The following HEATR5B variants were observed in gnomAD, a reference collection of about 807,000 sequenced individuals.
The protein encoded by HEATR5B is HEAT repeat containing 5B, also known as HEAT repeat-containing protein 5B.
A neutral mutation model predicts 224.1 loss-of-function variants in HEATR5B; 156 were observed. The observed-to-expected ratio is 0.70, with a 90% CI of 0.61 to 0.80. The LOEUF (loss-of-function observed/expected upper bound fraction) is 0.80, where lower values mean the gene tolerates loss of function less well. HEATR5B is among the 30% of genes least tolerant of loss of function. HEATR5B has a pLI of 0.00. For synonymous variants in HEATR5B, 1,027 were observed against 893.0 expected, an observed-to-expected ratio of 1.15 and a Z score of -2.68; for missense variants, 2,323 against 2,535.5, an observed-to-expected ratio of 0.92 and a Z score of 1.80.
Position 37,041,351 on chromosome 2 carries a change from C to T in HEATR5B, c.2697-59G>A, listed in dbSNP as rs570709166. 2.5e-5 allele frequency: 37 copies of T among 1,479,122 alleles called. No homozygotes were observed. The East Asian group carries it at 8.2e-4, about 33-fold the overall frequency. 91.6% of individuals were successfully genotyped at this position (1,479,122 alleles called of 1,614,324 possible). A position where few individuals can be genotyped will look rare whatever the true frequency, so the allele number is the denominator to read the frequency against. ...TGCTATTTCCCTATAAAAACAACAA[C>T]ATTATAAGTCACACAAAAACTGGGA... is the stretch of plus-strand genomic sequence containing the variant. On this transcript the variant is annotated intron_variant, in intron 18 of 35. Transcript: ENST00000233099.
At chr2:37,075,718 G>A in intron 4 of HEATR5B, 84 bp from the exon 5 acceptor site, 3 of 932,248 alleles carry the variant, frequency 3.2e-6, no homozygotes, top group East Asian at 2.8e-5. Context: ...AGTTCTTTGG[G>A]TCTAATGGTC....
intron 26 of HEATR5B, 68 bp downstream of exon 26, chr2:37,019,741 A>T (rs1369001642): frequency 8.7e-7 from 1 of 1,151,770 alleles, no homozygotes; most frequent in African/African-American, 1.6e-5. Flanking sequence ...TCCTTTACAC[A>T]AGTTAAATTC....
At chr2:37,071,573 C>G (rs1024729258) in intron 6 of HEATR5B, among the ~76,000 whole-genome samples, 1 of 152,068 alleles carries the variant, frequency 6.6e-6, no homozygotes, top group African/African-American at 2.4e-5. Context: ...TATCCAAAAT[C>G]ATTTCATAAA....
chr2:37,068,745 T>C lies in HEATR5B; in HGVS notation c.1113A>G (p.Glu371=), dbSNP rs1455445351. The change falls in exon 8 of 36, where the codon GAA becomes GAG. Residue 371 remains glutamate, a synonymous_variant. Transcript: ENST00000233099. ...LRATVGSLLG[E]KAQIAAAKEI... ...CTTTGGCAGCTGCAATCTGGGCTTT[T>C]TCACCTAGCAAACTGCCCACAGTAG... 1.9e-6 allele frequency: 3 copies of C among 1,614,066 alleles called. No homozygotes were observed. In the African/African-American group the frequency reaches 4.0e-5, roughly 22 times the overall value.
intron 5 of HEATR5B, 62 bp from the exon 6 acceptor site, chr2:37,072,343 G>C (rs926025479): frequency 8.3e-7 from 1 of 1,211,850 alleles, no homozygotes; most frequent in Non-Finnish European, 1.2e-6. Flanking sequence ...AGATGGAATA[G>C]CAAGAACCAG....
intron 27 of HEATR5B, among the ~76,000 whole-genome samples, chr2:37,011,090 T>C (rs1252622082): frequency 6.6e-6 from 1 of 152,238 alleles, no homozygotes; most frequent in African/African-American, 2.4e-5. Context: ...CTCTACCCAG[T>C]GCACAGACAG....
chr2:36,986,800 AG>A (rs1203247573), intron 35 of HEATR5B, among the ~76,000 whole-genome samples: 2 of 152,074 alleles, frequency 1.3e-5, no homozygotes, highest in Non-Finnish European at 2.9e-5. Context: ...TACTTTTAGT[AG>A]AGACAGGGTT....
chr2:37,034,429 C>T (rs1366467683), intron 21 of HEATR5B, among the ~76,000 whole-genome samples: 1 of 140,046 alleles, frequency 7.1e-6, no homozygotes, highest in Non-Finnish European at 1.6e-5. Context: ...CCGGCTAAAA[C>T]GGTGAAACCC....
rs771628790 is a variant in HEATR5B at position 37,060,638 on chromosome 2, G to T, written c.1792C>A (p.Arg598=). The T allele has an allele frequency of 1.2e-6, 2 of 1,613,836 alleles. No individual in the cohort carries two copies. The highest frequency in any genetic ancestry group is 1.7e-4 in the Middle Eastern group (1 of 6,060). The part of the protein sequence containing the change: ...SLKELEAEKA[R]GDSFTWQVTL... ...ACCTGCCAGGTAAAAGAATCGCCTCGGGCCTTCTCAGCTTCCAATTCCTTT... is the reference window on the plus strand; with the variant it reads ...ACCTGCCAGGTAAAAGAATCGCCTCTGGCCTTCTCAGCTTCCAATTCCTTT... Residue 598 remains arginine (R), a synonymous_variant, in exon 12 of 36, where the codon CGA becomes AGA. Transcript: ENST00000233099.
chr2:37,006,569 A>C (rs897311430), intron 29 of HEATR5B, among the ~76,000 whole-genome samples: 2 of 152,360 alleles, frequency 1.3e-5, no homozygotes, highest in South Asian at 4.1e-4. Flanking sequence ...TGAACCCAGG[A>C]GGCGGAGGTT....
chr2:36,988,173 T>C (rs1017380896), intron 35 of HEATR5B, among the ~76,000 whole-genome samples: 6 of 152,108 alleles, frequency 3.9e-5, no homozygotes, highest in Non-Finnish European at 8.8e-5. Flanking sequence ...GAAATGCCAT[T>C]GGCAATTCAT....
rs755514626 is a variant in HEATR5B, at chr2:37,064,955, G to C, written c.1369C>G (p.Pro457Ala). ...LEIVTSVLLH[P>A]SMAARLAAAW... ...GCAGCAAGTCGGGCAGCCATGCTTG[G>C]ATGAAGCAGCACTGAAGTCACAATC... Residue 457 changes from proline to alanine, a missense_variant, in exon 10 of 36, where the codon CCA becomes GCA. Around this residue, in one of 12 missense-constraint regions of HEATR5B, gnomAD observed 502 missense variants for 517.8 expected, o/e 0.97. Transcript: ENST00000233099. 10 of 1,613,888 alleles carry C rather than the reference G, an allele frequency of 6.2e-6. No individual in the cohort carries two copies. The Admixed American group carries it at 8.3e-5, about 13-fold the overall frequency.
At chr2:37,001,819 C>G (rs1667109516) in intron 32 of HEATR5B, among the ~76,000 whole-genome samples, 1 of 151,966 alleles carries the variant, frequency 6.6e-6, no homozygotes, top group Non-Finnish European at 1.5e-5. Context: ...CATACGCCAC[C>G]AGGCCCAGCT....
chr2:37,008,079 G>A (rs1667546667), intron 28 of HEATR5B: 1 of 156,482 alleles, frequency 6.4e-6, no homozygotes, highest in African/African-American at 2.4e-5. Context: ...GAAAAAAGGG[G>A]GCGGGGGAAC....
intron 30 of HEATR5B, among the ~76,000 whole-genome samples, chr2:37,004,195 G>A (rs950787241): frequency 6.6e-6 from 1 of 151,922 alleles, no homozygotes; most frequent in African/African-American, 2.4e-5. Context: ...ATTTCAAAGA[G>A]GGGGAAAAGA....
rs61036576 is a variant in HEATR5B at position 37,082,052 on chromosome 2, C to CTT, written c.126+1235_126+1236dup. 1.5e-3 allele frequency among the ~76,000 whole-genome samples: 35 copies of CTT among 23,958 alleles called. 3 individuals are homozygous for CTT. Among genetic ancestry groups the CTT allele is most frequent in the African/African-American group, 1.5e-3 (10 of 6,800 alleles). 15.7% of individuals were successfully genotyped at this position (23,958 alleles called of 152,430 possible). ...ATCAGACATTTGAGGGAAGTATCTA[C>CTT]TTTTTTTTTTTTTTTTTTTTTTTTT... On this transcript the variant is annotated intron_variant, in intron 2 of 35. Coordinates refer to ENST00000233099, the MANE Select transcript of HEATR5B (RefSeq NM_019024.3).
chr2:37,079,672 C>T (rs1672435860), intron 2 of HEATR5B, among the ~76,000 whole-genome samples: 1 of 152,168 alleles, frequency 6.6e-6, no homozygotes, highest in Non-Finnish European at 1.5e-5. Flanking sequence ...TGTCTTACAA[C>T]CCAGATAGGT....
chr2:36,993,910 T>A (rs78528736), intron 33 of HEATR5B, among the ~76,000 whole-genome samples: 19,187 of 151,974 alleles, frequency 0.13, 1,506 homozygotes, highest in Non-Finnish European at 0.17. Context: ...ATTAATGTTA[T>A]GAAAGACAAA....
In HEATR5B at chr2:36,981,609, C is replaced by G. The variant is rs1425450569; in HGVS notation, c.6097G>C (p.Val2033Leu). ...TVMGAAPELK[V>L]RLETAVRASQ... is the part of the protein sequence containing the mutation. ...GCTCGAACGGCAGTTTCTAGACGCA[C>G]TTTCAACTCAGGAGCAGCCCCCATT... is the stretch of plus-strand genomic sequence containing the variant. The change falls in exon 36 of 36, where the codon GTG becomes CTG. Residue 2033 changes from valine (V) to leucine (L), a missense_variant. Val to Leu is a conservative substitution (Grantham distance 32, BLOSUM62 1). Transcript: ENST00000233099. 6.2e-7 allele frequency: 1 copy of G among 1,614,236 alleles called. No homozygotes were observed. Among genetic ancestry groups the G allele is most frequent in the South Asian group, 1.1e-5 (1 of 91,090 alleles).
Sources: allele counts gnomAD v4.1 joint callset (sites outside exome capture counted in the v4.1 genomes callset), GRCh38; gene constraint gnomAD v4.1.1; regional missense constraint gnomAD v4.1.1; transcripts MANE v1.5; gene names NCBI Gene and HGNC (gene_info 2026-07-23, HGNC 2026-07-21).